Variants in ELANE observed in about 807,000 individuals in gnomAD.
ELANE encodes neutrophil elastase.
A neutral mutation model predicts 20.6 loss-of-function variants in ELANE; 12 were observed. The observed-to-expected ratio is 0.58, with a 90% CI of 0.37 to 0.94. The LOEUF is 0.94. Ranked by LOEUF, ELANE falls within the 40% of genes least tolerant of loss-of-function variation. ELANE has a pLI of 0.01. For synonymous variants in ELANE, 203 were observed against 177.4 expected (o/e 1.14, Z -1.15); for missense variants, 388 against 395.2 (o/e 0.98, Z 0.15).
At position 855,444 on chromosome 19, in the gene ELANE, T is replaced by C. The variant is rs1330372170; in HGVS notation, c.367-120T>C. 8.7e-7 allele frequency: 1 copy of C among 1,143,446 alleles called. No homozygotes were observed. Among genetic ancestry groups the C allele is most frequent in the Non-Finnish European group, 1.3e-6 (1 of 789,894 alleles). The allele number at this position is 1,143,446 out of a possible 1,614,324, so 70.8% of individuals were successfully genotyped here. A position where few individuals can be genotyped will look rare whatever the true frequency, so the allele number is the denominator to read the frequency against. On this transcript the variant is annotated intron_variant, in intron 3 of 4. Coordinates refer to ENST00000263621, the MANE Select transcript of ELANE (RefSeq NM_001972.4). The surrounding 1 kb of genome is among the most constrained non-coding windows in gnomAD (Gnocchi z 6.2). The stretch of plus-strand genomic sequence containing the variant: ...GGAGCAGAGTGTGGGGTGGGTATCC[T>C]GCCCTGCAGGATCCCAGAACCACAG...
At chr19:852,537 G>A in intron 1 of ELANE, 142 bp downstream of exon 1, 2 of 1,105,202 alleles carry the variant, frequency 1.8e-6, no homozygotes, top group East Asian at 2.8e-5. Context: ...AAGAGACTGA[G>A]GTTCTGAGCG....
At chr19:853,121 GC>G in intron 2 of ELANE, 89 bp downstream of exon 2, 1 of 1,479,892 alleles carries the variant, frequency 6.8e-7, no homozygotes, top group Admixed American at 2.1e-5. Flanking sequence ...GGGGCTGCTG[GC>G]GGGGGGGGGT....
Position 855,542 on chromosome 19 carries a change from C to T in ELANE, c.367-22C>T, listed in dbSNP as rs201797591. ...ATCACTGCCCCGTGTGACGCGCTGACGATCTGTCCCCACCGCCACAGCTCA... is the reference window on the plus strand; with the variant it reads ...ATCACTGCCCCGTGTGACGCGCTGATGATCTGTCCCCACCGCCACAGCTCA... On this transcript the variant is annotated intron_variant, in intron 3 of 4. Transcript: ENST00000263621. The surrounding 1 kb of genome is among the most constrained non-coding windows in gnomAD (Gnocchi z 6.2). 1.0e-5 allele frequency: 16 copies of T among 1,596,672 alleles called. No homozygotes were observed. The highest frequency in any genetic ancestry group is 1.4e-5 in the Non-Finnish European group (16 of 1,178,366).
At position 856,204 on chromosome 19, in the gene ELANE, C is replaced by T; in HGVS notation, c.*40C>T. The T allele has an allele frequency of 6.2e-7, 1 of 1,600,194 alleles. No homozygotes were observed. The highest frequency in any genetic ancestry group is 2.2e-5 in the East Asian group (1 of 44,828). ...GTCACCTCAGCTGCCCACACCCACA[C>T]TCTCCAGCATCTGGCACAATAAACA... On this transcript the variant is annotated 3_prime_UTR_variant, in exon 5 of 5. Transcript: ENST00000263621.
At chr19:852,538 G>A in intron 1 of ELANE, 143 bp downstream of exon 1, 2 of 1,120,088 alleles carry the variant, frequency 1.8e-6, no homozygotes, top group East Asian at 5.7e-5. Context: ...AGAGACTGAG[G>A]TTCTGAGCGG....
chr19:853,186 G>A, intron 2 of ELANE, 76 bp from the exon 3 acceptor site: 4 of 1,506,114 alleles, frequency 2.7e-6, no homozygotes, highest in South Asian at 1.3e-5. Flanking sequence ...GCCCGTCGCC[G>A]GATGGGGACG....
chr19:855,074 T>C lies in ELANE; in HGVS notation c.367-490T>C, dbSNP rs555725214. Among the ~76,000 whole-genome samples, 104 of 152,144 alleles carry C rather than the reference T, an allele frequency of 6.8e-4. 2 individuals carry two copies. In the South Asian group the frequency reaches 0.02, roughly 30 times the overall value. On this transcript the variant is annotated intron_variant, in intron 3 of 4. Coordinates refer to ENST00000263621, the MANE Select transcript of ELANE (RefSeq NM_001972.4). This position sits in a 1 kb window ranked among gnomAD's most constrained non-coding sequence, Gnocchi z 6.2. ...TTAACCATGTTAGCCAGGATGGTCT[T>C]GATCTCCTGACCTTTTGATTGGCCC...
At position 855,730 on chromosome 19, in the gene ELANE, C is replaced by A. The variant is rs747053501; in HGVS notation, c.533C>A (p.Thr178Lys). The change falls in exon 4 of 5, where the codon ACG (threonine) becomes AAG (lysine). Residue 178 changes from threonine (T) to lysine (K), a missense_variant. Thr to Lys is a moderately conservative substitution (Grantham distance 78). Transcript: ENST00000263621. The surrounding 1 kb of genome is among the most constrained non-coding windows in gnomAD (Gnocchi z 6.2). Reference sequence around the variant, plus strand: ...CAGGAGCTCAACGTGACGGTGGTGACGTCCCTCTGCCGTCGCAGCAACGTC... The same window carrying A: ...CAGGAGCTCAACGTGACGGTGGTGAAGTCCCTCTGCCGTCGCAGCAACGTC... ...VLQELNVTVV[T>K]SLCRRSNVCT... The A allele has an allele frequency of 7.5e-6, 12 of 1,609,662 alleles. No homozygotes were observed. Among genetic ancestry groups the A allele is most frequent in the Non-Finnish European group, 9.3e-6 (11 of 1,179,954 alleles).
rs17216649 is a variant in ELANE, at chr19:855,966, C to G, written c.606C>G (p.Ser202=). ...GRQAGVCFGD[S]GSPLVCNGLI... is the part of the protein sequence containing the mutation. ...CTTGTCTGCCTCCACAGGGGGACTCCGGCAGCCCCTTGGTCTGCAACGGGC... is the reference window on the plus strand; with the variant it reads ...CTTGTCTGCCTCCACAGGGGGACTCGGGCAGCCCCTTGGTCTGCAACGGGC... The change falls in exon 5 of 5, where the codon TCC becomes TCG. Residue 202 remains serine (S), a synonymous_variant. Transcript: ENST00000263621. The surrounding 1 kb of genome is among the most constrained non-coding windows in gnomAD (Gnocchi z 6.2). The G allele has an allele frequency of 6.2e-7, 1 of 1,613,128 alleles. No homozygotes were observed. The highest frequency in any genetic ancestry group is 1.7e-5 in the Admixed American group (1 of 60,034).
rs1431718674 is a variant in ELANE, at chr19:855,744, C to T, written c.547C>T (p.Arg183Cys). Residue 183 changes from arginine to cysteine, a missense_variant, in exon 4 of 5, where the codon CGC becomes TGC. Arg to Cys is a radical substitution (Grantham distance 180, BLOSUM62 -3). This residue lies in a region of ELANE where 321 missense variants were observed against 309.8 expected (regional missense o/e 1.04). Coordinates refer to ENST00000263621, the MANE Select transcript of ELANE (RefSeq NM_001972.4). The surrounding 1 kb of genome is among the most constrained non-coding windows in gnomAD (Gnocchi z 6.2). Reference sequence around the variant, plus strand: ...GACGGTGGTGACGTCCCTCTGCCGTCGCAGCAACGTCTGCACTCTCGTGAG... The same window carrying T: ...GACGGTGGTGACGTCCCTCTGCCGTTGCAGCAACGTCTGCACTCTCGTGAG... Reference protein sequence around the residue: ...NVTVVTSLCRRSNVCTLVRGR... With the variant: ...NVTVVTSLCRCSNVCTLVRGR... The T allele has an allele frequency of 1.2e-6, 2 of 1,609,616 alleles. No homozygotes were observed. Among genetic ancestry groups the T allele is most frequent in the Non-Finnish European group, 1.7e-6 (2 of 1,179,944 alleles).
chr19:853,408 C>T lies in ELANE; in HGVS notation c.366+5C>T, dbSNP rs1176367358. 3 of 1,599,066 alleles carry T rather than the reference C, an allele frequency of 1.9e-6. No homozygotes were observed. The highest frequency in any genetic ancestry group is 1.1e-5 in the South Asian group (1 of 89,338). ...AACGACATCGTGATTCTCCAGGTGCCGCCGGGCGGGGCGGGGGGCGCAGGG... is the reference window on the plus strand; with the variant it reads ...AACGACATCGTGATTCTCCAGGTGCTGCCGGGCGGGGCGGGGGGCGCAGGG... On this transcript the variant is annotated splice_donor_5th_base_variant and intron_variant, in intron 3 of 4. Transcript: ENST00000263621.
At position 853,391 on chromosome 19, in the gene ELANE, C is replaced by T. The variant is rs759734732; in HGVS notation, c.354C>T (p.Ile118=). 4 of 1,608,932 alleles carry T rather than the reference C, an allele frequency of 2.5e-6. No homozygotes were observed. Among genetic ancestry groups the T allele is most frequent in the Non-Finnish European group, 3.4e-6 (4 of 1,177,968 alleles). Residue 118 remains isoleucine, a synonymous_variant, in exon 3 of 5, where the codon ATC becomes ATT. Transcript: ENST00000263621. ...GYDPVNLLND[I]VILQLNGSAT... ...ACCCCGTAAACTTGCTCAACGACATCGTGATTCTCCAGGTGCCGCCGGGCG... is the reference window on the plus strand; with the variant it reads ...ACCCCGTAAACTTGCTCAACGACATTGTGATTCTCCAGGTGCCGCCGGGCG...
intron 2 of ELANE, 93 bp downstream of exon 2, chr19:853,125 G>C (rs1008084594): frequency 6.6e-5 from 98 of 1,487,338 alleles, no homozygotes; most frequent in South Asian, 5.1e-4. Context: ...CTGCTGGCGG[G>C]GGGGGGTCCG....
At position 855,813 on chromosome 19, in the gene ELANE, C is replaced by G. The variant is rs769616716; in HGVS notation, c.597+19C>G. The G allele has an allele frequency of 3.1e-6, 5 of 1,607,324 alleles. No individual in the cohort carries two copies. The highest frequency in any genetic ancestry group is 1.3e-5 in the African/African-American group (1 of 74,876). On this transcript the variant is annotated intron_variant, in intron 4 of 4. Transcript: ENST00000263621. This position sits in a 1 kb window ranked among gnomAD's most constrained non-coding sequence, Gnocchi z 6.2. Reference sequence around the variant, plus strand: ...CTGTTTCGTACGTGCCCTGGGTGTCCCTCTGCTCCCCACCCGCTCCCAGCC... The same window carrying G: ...CTGTTTCGTACGTGCCCTGGGTGTCGCTCTGCTCCCCACCCGCTCCCAGCC...
chr19:854,085 C>T (rs916035496), intron 3 of ELANE, among the ~76,000 whole-genome samples: 7 of 152,230 alleles, frequency 4.6e-5, no homozygotes, highest in Admixed American at 1.3e-4. Flanking sequence ...GGGGCCGCCT[C>T]TGTCTTTGGG....
chr19:853,628 T>A (rs1568304692), intron 3 of ELANE, among the ~76,000 whole-genome samples: 2 of 152,272 alleles, frequency 1.3e-5, no homozygotes, highest in Middle Eastern at 3.4e-3. Flanking sequence ...GGCCCCGATC[T>A]GCTGTCAATC....
chr19:853,380 C>A lies in ELANE; in HGVS notation c.343C>A (p.Leu115Ile), dbSNP rs761153954. 7 of 1,610,538 alleles carry A rather than the reference C, an allele frequency of 4.3e-6. No homozygotes were observed. Among genetic ancestry groups the A allele is most frequent in the Admixed American group, 1.7e-5 (1 of 59,828 alleles). ...FENGYDPVNL[L>I]NDIVILQLNG... is the part of the protein sequence containing the mutation. ...AAACGGCTACGACCCCGTAAACTTG[C>A]TCAACGACATCGTGATTCTCCAGGT... is the stretch of plus-strand genomic sequence containing the variant. Residue 115 changes from leucine to isoleucine, a missense_variant, in exon 3 of 5, where the codon CTC (leucine) becomes ATC (isoleucine). Physicochemically the swap from Leu to Ile is conservative, Grantham distance 5. Transcript: ENST00000263621.
In ELANE at chr19:853,316, G is replaced by T. The variant is rs1379021612; in HGVS notation, c.279G>T (p.Glu93Asp). ...GAGCCCATAACCTCTCGCGGCGGGA[G>T]CCCACCCGGCAGGTGTTCGCCGTGC... is the stretch of plus-strand genomic sequence containing the variant. ...VLGAHNLSRR[E>D]PTRQVFAVQR... is the part of the protein sequence containing the mutation. The change falls in exon 3 of 5, where the codon GAG becomes GAT. Residue 93 changes from glutamate to aspartate, a missense_variant. This residue lies in a region of ELANE where 321 missense variants were observed against 309.8 expected (regional missense o/e 1.04). Transcript: ENST00000263621. 6.2e-6 allele frequency: 10 copies of T among 1,610,674 alleles called. No individual in the cohort carries two copies. The highest frequency in any genetic ancestry group is 8.5e-6 in the Non-Finnish European group (10 of 1,179,020).
intron 3 of ELANE, among the ~76,000 whole-genome samples, chr19:854,429 CAA>C (rs113532242): frequency 3.1e-4 from 39 of 125,488 alleles, no homozygotes; most frequent in Non-Finnish European, 3.4e-4. Flanking sequence ...GCCTGGGTCT[CAA>C]AAAAAAAAAA....
Sources: allele counts gnomAD v4.1 joint callset (sites outside exome capture counted in the v4.1 genomes callset), GRCh38; gene constraint gnomAD v4.1.1; regional missense constraint gnomAD v4.1.1; non-coding constraint Gnocchi (gnomAD v3.1); transcripts MANE v1.5; gene names NCBI Gene and HGNC (gene_info 2026-07-23, HGNC 2026-07-21).